Variants in P3H2 observed in about 807,000 individuals in gnomAD.
P3H2 encodes leprecan-like 1.
In P3H2, 80 loss-of-function variants were observed where a neutral mutation model predicts 87.0. That is an observed-to-expected ratio of 0.92 (90% CI 0.77 to 1.11). The LOEUF is 1.11. Among genes scored for constraint, P3H2 ranks in the 50% least tolerant of loss-of-function variants. The pLI is 0.00. For missense variants in P3H2, 1,001 were observed against 923.9 expected, an observed-to-expected ratio of 1.08 and a Z score of -1.08; for synonymous variants, 367 against 359.3, an observed-to-expected ratio of 1.02 and a Z score of -0.24.
chr3:190,017,938 T>C (rs117809973), intron 1 of P3H2, among the ~76,000 whole-genome samples: 4,291 of 152,288 alleles, frequency 0.028, 76 homozygotes, highest in South Asian at 0.057. Flanking sequence ...TACACAGAAA[T>C]ACTAGCCCAA....
At chr3:190,119,266 T>C (rs1271377141) in intron 1 of P3H2, among the ~76,000 whole-genome samples, 2 of 148,706 alleles carry the variant, frequency 1.3e-5, no homozygotes, top group Non-Finnish European at 3.0e-5. Flanking sequence ...GCCTGGTCCA[T>C]TGGCTAGCAT....
At chr3:190,055,186 T>C (rs111987026) in intron 1 of P3H2, among the ~76,000 whole-genome samples, 11 of 152,320 alleles carry the variant, frequency 7.2e-5, no homozygotes, top group African/African-American at 2.6e-4. Context: ...CAACTTTTAA[T>C]AGTGCATCTT....
chr3:189,991,978 G>C (rs894262224), intron 3 of P3H2, among the ~76,000 whole-genome samples: 2 of 150,978 alleles, frequency 1.3e-5, no homozygotes, highest in African/African-American at 4.9e-5. Flanking sequence ...AGTGCTATTA[G>C]GAGATAACCT....
At chr3:190,001,403 T>G (rs1724213626) in intron 1 of P3H2, among the ~76,000 whole-genome samples, 1 of 152,232 alleles carries the variant, frequency 6.6e-6, no homozygotes, top group Admixed American at 6.5e-5. Context: ...TCCATTATTC[T>G]CAAACATCAA....
intron 1 of P3H2, among the ~76,000 whole-genome samples, chr3:190,004,665 A>G (rs1352451686): frequency 2.6e-5 from 4 of 152,168 alleles, no homozygotes; most frequent in Admixed American, 6.5e-5. Flanking sequence ...TACAGGTGTG[A>G]GCCACCGCGC....
rs186334523 is a variant in P3H2, at chr3:190,062,551, G to A, written c.480+57701C>T. On this transcript the variant is annotated intron_variant, in intron 1 of 14. Coordinates refer to ENST00000319332, the MANE Select transcript of P3H2 (RefSeq NM_018192.4). ...TGTAGAATATCCACACTTGTAAGTC[G>A]TGGACTTAATAGGTGTCCAGTGAAT... 2.3e-3 allele frequency among the ~76,000 whole-genome samples: 351 copies of A among 152,212 alleles called. 1 individual carries two copies. The highest frequency in any genetic ancestry group is 0.011 in the South Asian group (52 of 4,816).
chr3:190,011,639 G>A (rs1215189914), intron 1 of P3H2, among the ~76,000 whole-genome samples: 1 of 152,156 alleles, frequency 6.6e-6, no homozygotes, highest in Non-Finnish European at 1.5e-5. Flanking sequence ...GCTGCCTGGG[G>A]AATGTCATCT....
intron 1 of P3H2, among the ~76,000 whole-genome samples, chr3:190,084,650 A>G (rs187369228): frequency 0.011 from 1,619 of 152,192 alleles, 12 homozygotes; most frequent in Non-Finnish European, 0.017. Context: ...AGAATAAAAT[A>G]TTATTGTATA....
At chr3:190,071,769 T>G (rs2108973300) in intron 1 of P3H2, among the ~76,000 whole-genome samples, 1 of 152,232 alleles carries the variant, frequency 6.6e-6, no homozygotes, top group South Asian at 2.1e-4. Context: ...GGTAAGTCTG[T>G]TGATCTCAGC....
chr3:189,966,123 A>AAG (rs1553871113), intron 13 of P3H2, among the ~76,000 whole-genome samples: 51 of 102,200 alleles, frequency 5.0e-4, no homozygotes, highest in African/African-American at 1.7e-3. Flanking sequence ...GAAAGAAAGA[A>AAG]AAAGAAAGAA....
At chr3:190,049,271 T>G (rs1577295980) in intron 1 of P3H2, among the ~76,000 whole-genome samples, 1 of 5,924 alleles carries the variant, frequency 1.7e-4, no homozygotes, top group East Asian at 0.013. Context: ...GACACATGGT[T>G]TTTTTTTTCA....
intron 1 of P3H2, among the ~76,000 whole-genome samples, chr3:189,997,706 C>T (rs1354435114): frequency 6.6e-6 from 1 of 152,168 alleles, no homozygotes; most frequent in Non-Finnish European, 1.5e-5. Flanking sequence ...ATGAGCTCTT[C>T]CTGCCACTTT....
intron 2 of P3H2, among the ~76,000 whole-genome samples, chr3:189,994,666 T>G (rs200777329): frequency 3.4e-4 from 4 of 11,916 alleles, no homozygotes; most frequent in African/African-American, 4.4e-4. Context: ...TGTTTTTTGT[T>G]TTTTTTTTTT....
intron 1 of P3H2, among the ~76,000 whole-genome samples, chr3:190,082,687 C>T (rs1456130942): frequency 6.6e-6 from 1 of 152,072 alleles, no homozygotes; most frequent in Admixed American, 6.5e-5. Context: ...TATTTTCAAC[C>T]TTAGGATTCT....
chr3:189,986,472 C>T (rs764932223), intron 6 of P3H2, among the ~76,000 whole-genome samples: 1 of 152,078 alleles, frequency 6.6e-6, no homozygotes, highest in Non-Finnish European at 1.5e-5. Context: ...GCCTGTAATC[C>T]CAGCTACTCG....
chr3:190,073,434 G>A lies in P3H2; in HGVS notation c.480+46818C>T, dbSNP rs181939047. Among the ~76,000 whole-genome samples, 18 of 152,248 alleles carry A rather than the reference G, an allele frequency of 1.2e-4. No homozygotes were observed. In the East Asian group the frequency reaches 2.9e-3, roughly 24 times the overall value. ...CCTCAAAATGAGCCATAAACAATCT[G>A]CTTGTTTTCAGCTTCCGGGCGATTC... is the stretch of plus-strand genomic sequence containing the variant. On this transcript the variant is annotated intron_variant, in intron 1 of 14. Transcript: ENST00000319332.
intron 1 of P3H2, among the ~76,000 whole-genome samples, chr3:190,083,452 A>T (rs1192740415): frequency 2.0e-5 from 3 of 152,188 alleles, no homozygotes; most frequent in Non-Finnish European, 4.4e-5. Flanking sequence ...AAAGACTGGA[A>T]AAAAATTTGC....
At chr3:190,055,711 C>T (rs576187122) in intron 1 of P3H2, among the ~76,000 whole-genome samples, 3 of 152,134 alleles carry the variant, frequency 2.0e-5, no homozygotes, top group South Asian at 4.1e-4. Context: ...ATAGATTCAG[C>T]GTTCCAAGAA....
rs770110675 is a variant in P3H2, at chr3:190,120,455, G to T, written c.277C>A (p.Pro93Thr). 3.5e-6 allele frequency: 5 copies of T among 1,425,720 alleles called. No homozygotes were observed. The highest frequency in any genetic ancestry group is 3.0e-5 in the South Asian group (2 of 66,598). The allele number at this position is 1,425,720 out of a possible 1,614,324, so 88.3% of individuals were successfully genotyped here. A position where few individuals can be genotyped will look rare whatever the true frequency, so the allele number is the denominator to read the frequency against. ...TCGCCGGGGGGCGGGGGCGGGAGCG[G>T]GTGGCGCGCCGCGCAGTGGCGGGCA... ...RCARHCAARH[P>T]LPPPPPGEGP... The change falls in exon 1 of 15, where the codon CCG (proline) becomes ACG (threonine). Residue 93 changes from proline (P) to threonine (T), a missense_variant. Transcript: ENST00000319332.
Sources: allele counts gnomAD v4.1 joint callset (sites outside exome capture counted in the v4.1 genomes callset), GRCh38; gene constraint gnomAD v4.1.1; transcripts MANE v1.5; gene names NCBI Gene and HGNC (gene_info 2026-07-23, HGNC 2026-07-21).